Variants in PRKG1 observed in about 807,000 individuals in gnomAD.
PRKG1 encodes cGMP-dependent protein kinase 1.
In PRKG1, 35 loss-of-function variants were observed where a neutral mutation model predicts 88.1. The ratio of observed to expected loss-of-function variants is 0.40; its 90% confidence interval spans 0.30 to 0.53. The LOEUF (loss-of-function observed/expected upper bound fraction) is 0.53, where lower values mean the gene tolerates loss of function less well. Ranked by LOEUF, PRKG1 falls within the 20% of genes least tolerant of loss-of-function variation. PRKG1 has a pLI of 0.59. For synonymous variants in PRKG1, 303 were observed against 292.5 expected (o/e 1.04, Z -0.37); for missense variants, 540 against 839.8 (o/e 0.64, Z 4.41).
At chr10:51,966,670 A>T (rs1843574508) in intron 5 of PRKG1, among the ~76,000 whole-genome samples, 1 of 152,150 alleles carries the variant, frequency 6.6e-6, no homozygotes, top group South Asian at 2.1e-4. Context: ...GAGCAAGCAC[A>T]GGCTGAAATT....
intron 5 of PRKG1, among the ~76,000 whole-genome samples, chr10:52,038,359 C>T (rs185878013): frequency 2.6e-3 from 383 of 146,382 alleles, no homozygotes; most frequent in Non-Finnish European, 3.1e-3. Flanking sequence ...GATAAGAGGT[C>T]GGGGCATGGA....
intron 2 of PRKG1, among the ~76,000 whole-genome samples, chr10:51,337,381 C>A (rs895191664): frequency 1.3e-5 from 2 of 151,994 alleles, no homozygotes; most frequent in African/African-American, 2.4e-5. Flanking sequence ...TTGCCAAAAG[C>A]AATTGCAAAA....
At chr10:52,252,626 T>C (rs971046949) in intron 10 of PRKG1, 2 of 152,092 alleles carry the variant, frequency 1.3e-5, no homozygotes, top group East Asian at 3.9e-4. Flanking sequence ...ACTATTTTTA[T>C]ATTTGTCTAT....
intron 2 of PRKG1, among the ~76,000 whole-genome samples, chr10:51,358,555 T>C (rs1260972212): frequency 1.3e-5 from 2 of 151,892 alleles, no homozygotes; most frequent in African/African-American, 4.8e-5. Context: ...AAACTATAAT[T>C]CTGGGGACTA....
chr10:51,313,822 G>T (rs1388522788), intron 2 of PRKG1, among the ~76,000 whole-genome samples: 1 of 152,072 alleles, frequency 6.6e-6, no homozygotes, highest in African/African-American at 2.4e-5. Flanking sequence ...CAAATAAAAG[G>T]CCTACATACC....
At chr10:51,731,430 C>A (rs7914283) in intron 3 of PRKG1, among the ~76,000 whole-genome samples, 73,125 of 151,912 alleles carry the variant, frequency 0.48, 18,360 homozygotes, top group African/African-American at 0.6. Context: ...GGTATTTCTG[C>A]TGCAATTTGT....
chr10:51,789,501 T>C (rs1412097042), intron 3 of PRKG1, among the ~76,000 whole-genome samples: 7 of 152,242 alleles, frequency 4.6e-5, no homozygotes, highest in African/African-American at 1.7e-4. Context: ...ATTCCTTTTC[T>C]AAAAAATCAC....
intron 4 of PRKG1, among the ~76,000 whole-genome samples, chr10:51,824,065 G>A (rs1589323029): frequency 6.6e-6 from 1 of 151,804 alleles, no homozygotes; most frequent in African/African-American, 2.4e-5. Flanking sequence ...GTAGAGATGA[G>A]CTTTTGCCAT....
intron 5 of PRKG1, among the ~76,000 whole-genome samples, chr10:52,030,848 A>G: frequency 6.6e-6 from 1 of 152,236 alleles, no homozygotes; most frequent in East Asian, 1.9e-4. Context: ...CAAATCAATT[A>G]AAAAGGAAGA....
At chr10:51,257,031 T>A (rs1021495775) in intron 2 of PRKG1, among the ~76,000 whole-genome samples, 3 of 152,078 alleles carry the variant, frequency 2.0e-5, no homozygotes, top group African/African-American at 7.2e-5. Context: ...AAGAAAGCGA[T>A]AAATTTTGAA....
chr10:51,214,576 G>T (rs760304180), intron 2 of PRKG1, among the ~76,000 whole-genome samples: 1 of 152,026 alleles, frequency 6.6e-6, no homozygotes, highest in Non-Finnish European at 1.5e-5. Flanking sequence ...CTCCTGCCTG[G>T]GCTCAAATGA....
rs879690396 is a variant in PRKG1 at position 51,093,788 on chromosome 10, T to TTA, written c.311+18900_311+18901dup. ...ATATACATATACATATATATGTATT[T>TTA]TATATATATATATACACACACACAC... On this transcript the variant is annotated intron_variant, in intron 1 of 17. Transcript: ENST00000373980. Among the ~76,000 whole-genome samples the TTA allele has an allele frequency of 4.1e-3, 547 of 133,460 alleles. 1 individual carries two copies. The highest frequency in any genetic ancestry group is 0.011 in the South Asian group (46 of 4,258). The allele number at this position is 133,460 out of a possible 152,430, so 87.6% of individuals were successfully genotyped here.
intron 4 of PRKG1, among the ~76,000 whole-genome samples, chr10:51,862,439 G>A (rs949315051): frequency 1.3e-5 from 2 of 152,104 alleles, no homozygotes; most frequent in Non-Finnish European, 2.9e-5. Flanking sequence ...AGCCAGTCAG[G>A]GAAGAATTTT....
At chr10:51,180,246 T>A (rs1837309068) in intron 2 of PRKG1, among the ~76,000 whole-genome samples, 1 of 152,196 alleles carries the variant, frequency 6.6e-6, no homozygotes, top group Admixed American at 6.5e-5. Context: ...CTTCAGATCA[T>A]CCTATGGAGA....
intron 9 of PRKG1, among the ~76,000 whole-genome samples, chr10:52,227,938 T>C (rs886187262): frequency 3.3e-5 from 5 of 152,330 alleles, no homozygotes; most frequent in African/African-American, 1.2e-4. Context: ...GTGTTTCTAA[T>C]TTCAGATCTC....
intron 2 of PRKG1, among the ~76,000 whole-genome samples, chr10:51,156,298 C>A (rs1177799885): frequency 3.9e-5 from 2 of 51,872 alleles, no homozygotes; most frequent in African/African-American, 3.2e-4. Flanking sequence ...TTGATGCAAG[C>A]ACACACACAC....
upstream of PRKG1, chr10:51,074,383 C>A: frequency 7.5e-7 from 1 of 1,331,164 alleles, no homozygotes; most frequent in Non-Finnish European, 1.0e-6. Context: ...CACAGCCAGC[C>A]CAGAGAAGTG....
At chr10:52,094,357 TTC>T (rs1291219493) in intron 7 of PRKG1, among the ~76,000 whole-genome samples, 1 of 152,192 alleles carries the variant, frequency 6.6e-6, no homozygotes, top group African/African-American at 2.4e-5. Flanking sequence ...CTAAGCTAAT[TTC>T]TTTTTTTGAT....
chr10:52,089,804 CTTTTTT>C (rs397846439), intron 7 of PRKG1, among the ~76,000 whole-genome samples: 14 of 67,732 alleles, frequency 2.1e-4, no homozygotes, highest in Admixed American at 1.2e-3. Context: ...TTCTTTCCTT[CTTTTTT>C]TTTTTTTTTT....
Sources: allele counts gnomAD v4.1 joint callset (sites outside exome capture counted in the v4.1 genomes callset), GRCh38; gene constraint gnomAD v4.1.1; transcripts MANE v1.5; gene names NCBI Gene and HGNC (gene_info 2026-07-23, HGNC 2026-07-21).